ZNF611: variants seen among roughly 807,000 people sequenced by gnomAD.
ZNF611 encodes the protein zinc finger protein 611.
In ZNF611, 6 loss-of-function variants were observed where a neutral mutation model predicts 8.9. The ratio of observed to expected loss-of-function variants is 0.68; its 90% confidence interval spans 0.37 to 1.34. The LOEUF (loss-of-function observed/expected upper bound fraction) is 1.34. ZNF611 is among the 40% of genes most tolerant of loss of function. ZNF611 has a pLI of 0.02. For missense variants in ZNF611, 874 were observed against 841.3 expected, an observed-to-expected ratio of 1.04 and a Z score of -0.48; for synonymous variants, 262 against 279.7, an observed-to-expected ratio of 0.94 and a Z score of 0.63.
chr19:52,731,992 C>T (rs1318308828), intron 1 of ZNF611, among the ~76,000 whole-genome samples: 8 of 146,668 alleles, frequency 5.5e-5, no homozygotes, highest in Admixed American at 4.8e-4. Context: ...AAAAAAATGG[C>T]CGGGCGGGTG....
In ZNF611 at chr19:52,704,796, T is replaced by A; in HGVS notation, c.*141A>T. 1 of 1,595,428 alleles carries A rather than the reference T, an allele frequency of 6.3e-7. No homozygotes were observed. The highest frequency in any genetic ancestry group is 1.7e-4 in the Middle Eastern group (1 of 6,036). ...TGTAAGGTTTCTCTCCAGTGTGAAG[T>A]CCAGTATGTTGTTCCAGGTGTGAAT... On this transcript the variant is annotated 3_prime_UTR_variant, in exon 6 of 6. Coordinates refer to ENST00000652185, the MANE Select transcript of ZNF611 (RefSeq NM_001161499.2).
chr19:52,729,867 G>A (rs904667091), intron 2 of ZNF611, 39 bp downstream of exon 2: 1 of 152,168 alleles, frequency 6.6e-6, no homozygotes, highest in Non-Finnish European at 1.5e-5. Flanking sequence ...ATGAGTTCAA[G>A]TAAATACACA....
At chr19:52,717,507 G>A (rs1436412874) in intron 3 of ZNF611, among the ~76,000 whole-genome samples, 4 of 152,176 alleles carry the variant, frequency 2.6e-5, no homozygotes, top group Non-Finnish European at 4.4e-5. Flanking sequence ...AGAGAGGAGG[G>A]CACAAGTAGG....
rs2062226742 is a variant in ZNF611, at chr19:52,704,646, CGTT to C, written c.*288_*290del. 40 of 1,588,382 alleles carry C rather than the reference CGTT, an allele frequency of 2.5e-5. 2 individuals are homozygous for C. In the South Asian group the frequency reaches 4.1e-4, roughly 16 times the overall value. On this transcript the variant is annotated 3_prime_UTR_variant, in exon 6 of 6. Coordinates refer to ENST00000652185, the MANE Select transcript of ZNF611 (RefSeq NM_001161499.2). ...TATGGATTCTCCAATGATTTGTAAT[CGTT>C]GTAGCATTACTGAAGACTTTGTGAC...
chr19:52,708,193 C>T (rs2062257321), intron 5 of ZNF611: 1 of 151,942 alleles, frequency 6.6e-6, no homozygotes, highest in African/African-American at 2.4e-5. Context: ...ATGTATGAGG[C>T]CAAGAAAATA....
rs945968020 is a variant in ZNF611, at chr19:52,718,368, G to C, written c.-19-2455C>G. ...ATATATCTAAACATTAGCCAGGCCT[G>C]GTGGGGCGTGCCTGTGGTCCCAGGG... is the stretch of plus-strand genomic sequence containing the variant. On this transcript the variant is annotated intron_variant, in intron 3 of 5. Coordinates refer to ENST00000652185, the MANE Select transcript of ZNF611 (RefSeq NM_001161499.2). 7.9e-5 allele frequency among the ~76,000 whole-genome samples: 12 copies of C among 152,116 alleles called. No individual in the cohort carries two copies. The East Asian group carries it at 1.9e-3, about 25-fold the overall frequency.
At chr19:52,723,171 C>T (rs902539488) in intron 3 of ZNF611, among the ~76,000 whole-genome samples, 2 of 150,994 alleles carry the variant, frequency 1.3e-5, no homozygotes, top group African/African-American at 4.9e-5. Context: ...TTGTACCTCT[C>T]TCCTCTCCTG....
chr19:52,731,967 C>T (rs1266241042), intron 1 of ZNF611, among the ~76,000 whole-genome samples: 2 of 145,524 alleles, frequency 1.4e-5, no homozygotes, highest in East Asian at 4.2e-4. Flanking sequence ...GCAAAATTCC[C>T]TCTCAAAAAA....
intron 5 of ZNF611, among the ~76,000 whole-genome samples, chr19:52,713,435 A>C (rs1328407529): frequency 3.3e-5 from 5 of 152,184 alleles, no homozygotes; most frequent in Non-Finnish European, 7.3e-5. Flanking sequence ...CATGAACAAG[A>C]GTTCAGTCAA....
chr19:52,715,820 A>T lies in ZNF611; in HGVS notation c.63+12T>A. On this transcript the variant is annotated intron_variant, in intron 4 of 5. Transcript: ENST00000652185. ...AAGACACAGATTAATCCACAGAGGA[A>T]TATCACTTCACCTGAGGAAGAGCCA... 6.2e-7 allele frequency: 1 copy of T among 1,610,788 alleles called. No individual in the cohort carries two copies. Among genetic ancestry groups the T allele is most frequent in the South Asian group, 1.1e-5 (1 of 91,060 alleles).
chr19:52,727,024 C>T (rs1317482188), intron 3 of ZNF611, among the ~76,000 whole-genome samples: 1 of 151,968 alleles, frequency 6.6e-6, no homozygotes, highest in Admixed American at 6.6e-5. Flanking sequence ...CATGACCATG[C>T]CCAGCTAACT....
In ZNF611 at chr19:52,704,356, G is replaced by T; in HGVS notation, c.*581C>A. ...CTTGCCACACTGATGACATTTGTAA[G>T]ATTTCTGTCCAGTATAGATTCTCTG... On this transcript the variant is annotated 3_prime_UTR_variant, in exon 6 of 6. Coordinates refer to ENST00000652185, the MANE Select transcript of ZNF611 (RefSeq NM_001161499.2). 1 of 621,838 alleles carries T rather than the reference G, an allele frequency of 1.6e-6. No individual in the cohort carries two copies. The highest frequency in any genetic ancestry group is 3.1e-6 in the Non-Finnish European group (1 of 319,894). The allele number at this position is 621,838 out of a possible 1,614,324, so 38.5% of individuals were successfully genotyped here. A position where few individuals can be genotyped will look rare whatever the true frequency, so the allele number is the denominator to read the frequency against.
intron 2 of ZNF611, among the ~76,000 whole-genome samples, chr19:52,729,492 CAAAAAAAAAAAA>C (rs397859789): frequency 2.4e-5 from 1 of 42,356 alleles, no homozygotes; most frequent in Admixed American, 4.7e-4. Context: ...GACTCCATCT[CAAAAAAAAAAAA>C]AAAAAAAAAA....
intron 3 of ZNF611, among the ~76,000 whole-genome samples, 159 bp downstream of exon 3, chr19:52,728,571 C>A (rs1428554413): frequency 6.6e-6 from 1 of 151,234 alleles, no homozygotes; most frequent in Admixed American, 6.6e-5. Flanking sequence ...AGAAAGAATA[C>A]TACCCTCAGA....
intron 5 of ZNF611, 109 bp downstream of exon 5, chr19:52,713,906 A>G (rs908719245): frequency 3.2e-6 from 5 of 1,562,590 alleles, no homozygotes; most frequent in Admixed American, 4.1e-5. Flanking sequence ...ACAAAAAACA[A>G]AAAACAAAAC....
chr19:52,705,611 A>G lies in ZNF611; in HGVS notation c.1444T>C (p.Tyr482His). The G allele has an allele frequency of 1.2e-6, 2 of 1,614,048 alleles. No homozygotes were observed. Among genetic ancestry groups the G allele is most frequent in the Non-Finnish European group, 1.7e-6 (2 of 1,179,990 alleles). ...HTRIDCGEKP[Y>H]KCNECGKTFG... ...GTCTTCCCACATTCATTACACTTGT[A>G]AGGTTTTTCTCCACAGTCAATTCTA... is the stretch of plus-strand genomic sequence containing the variant. The change falls in exon 6 of 6, where the codon TAC (tyrosine) becomes CAC (histidine). Residue 482 changes from tyrosine to histidine, a missense_variant. Coordinates refer to ENST00000652185, the MANE Select transcript of ZNF611 (RefSeq NM_001161499.2).
chr19:52,722,357 G>C (rs1390702295), intron 3 of ZNF611, among the ~76,000 whole-genome samples: 1 of 152,100 alleles, frequency 6.6e-6, no homozygotes, highest in Non-Finnish European at 1.5e-5. Flanking sequence ...ACTCCAGCCT[G>C]GGCAATAGGG....
At position 52,705,626 on chromosome 19, in the gene ZNF611, A is replaced by G; in HGVS notation, c.1429T>C (p.Cys477Arg). 6.2e-7 allele frequency: 1 copy of G among 1,613,094 alleles called. No homozygotes were observed. Among genetic ancestry groups the G allele is most frequent in the Non-Finnish European group, 8.5e-7 (1 of 1,179,694 alleles). ...TTACACTTGTAAGGTTTTTCTCCAC[A>G]GTCAATTCTAGTATGTTTTGCCAGT... Reference protein sequence around the residue: ...SQLAKHTRIDCGEKPYKCNEC... With the variant: ...SQLAKHTRIDRGEKPYKCNEC... Residue 477 changes from cysteine (C) to arginine (R), a missense_variant, in exon 6 of 6, where the codon TGT (cysteine) becomes CGT (arginine). Physicochemically the swap from Cys to Arg is radical, Grantham distance 180 (BLOSUM62 -3). Coordinates refer to ENST00000652185, the MANE Select transcript of ZNF611 (RefSeq NM_001161499.2).
chr19:52,731,926 A>G (rs2062428165), intron 1 of ZNF611, among the ~76,000 whole-genome samples: 2 of 151,284 alleles, frequency 1.3e-5, no homozygotes. Context: ...AGCTGAGATC[A>G]TGCCATCGCA....
Sources: allele counts gnomAD v4.1 joint callset (sites outside exome capture counted in the v4.1 genomes callset), GRCh38; gene constraint gnomAD v4.1.1; transcripts MANE v1.5; gene names NCBI Gene and HGNC (gene_info 2026-07-23, HGNC 2026-07-21).